Variants in NRG3 observed in about 807,000 individuals in gnomAD.
The protein encoded by NRG3 is pro-neuregulin-3, membrane-bound isoform.
In NRG3, 31 loss-of-function variants were observed where a neutral mutation model predicts 66.9. That is an observed-to-expected ratio of 0.46 (90% CI 0.35 to 0.63). The LOEUF is 0.63. Ranked by LOEUF, NRG3 falls within the 20% of genes least tolerant of loss-of-function variation. NRG3 has a pLI of 0.00. For missense variants in NRG3, 910 were observed against 878.9 expected (o/e 1.04, Z -0.45); for synonymous variants, 393 against 359.4 (o/e 1.09, Z -1.06).
chr10:82,050,895 A>G (rs1423540855), intron 1 of NRG3, among the ~76,000 whole-genome samples: 1 of 150,108 alleles, frequency 6.7e-6, no homozygotes, highest in Non-Finnish European at 1.5e-5. Flanking sequence ...CCACGTCCTC[A>G]TGCGTATCCA....
intron 1 of NRG3, among the ~76,000 whole-genome samples, chr10:82,182,528 T>C (rs2073498646): frequency 6.6e-6 from 1 of 151,832 alleles, no homozygotes; most frequent in South Asian, 2.1e-4. Flanking sequence ...TTAACCTCTG[T>C]CCTCCTCTAC....
chr10:82,191,664 A>G (rs747680386), intron 1 of NRG3, among the ~76,000 whole-genome samples: 3 of 152,220 alleles, frequency 2.0e-5, no homozygotes, highest in African/African-American at 4.8e-5. Flanking sequence ...ACTCTACAAG[A>G]GGGAACTTCA....
intron 7 of NRG3, among the ~76,000 whole-genome samples, chr10:82,977,598 CAAAAAAAAAA>C (rs766341428): frequency 3.4e-4 from 19 of 55,452 alleles, no homozygotes; most frequent in Admixed American, 1.4e-3. Context: ...GACTCTGTCT[CAAAAAAAAAA>C]AAAAAAAAAG....
At chr10:82,440,454 T>G (rs2090379110) in intron 2 of NRG3, among the ~76,000 whole-genome samples, 1 of 151,930 alleles carries the variant, frequency 6.6e-6, no homozygotes, top group Non-Finnish European at 1.5e-5. Context: ...AGTTTTTTAC[T>G]TCTTTAATTC....
intron 2 of NRG3, among the ~76,000 whole-genome samples, chr10:82,734,216 G>A (rs2058051315): frequency 1.3e-5 from 2 of 152,104 alleles, no homozygotes; most frequent in Admixed American, 1.3e-4. Context: ...CAGCCACTGG[G>A]CTTTTCCTTG....
At chr10:82,059,873 C>T (rs1191272669) in intron 1 of NRG3, among the ~76,000 whole-genome samples, 2 of 152,110 alleles carry the variant, frequency 1.3e-5, no homozygotes, top group East Asian at 1.9e-4. Flanking sequence ...CTGATATGTT[C>T]CCTTGATGAT....
chr10:82,392,891 T>A (rs1227388348), intron 2 of NRG3, among the ~76,000 whole-genome samples: 2 of 115,228 alleles, frequency 1.7e-5, no homozygotes, highest in Admixed American at 8.2e-5. Flanking sequence ...TATATATATA[T>A]ATATATATTT....
intron 4 of NRG3, among the ~76,000 whole-genome samples, chr10:82,876,258 T>C (rs1246976183): frequency 6.6e-6 from 1 of 151,704 alleles, no homozygotes; most frequent in African/African-American, 2.4e-5. Context: ...TCTACGTAGG[T>C]GTGAATATAT....
chr10:82,682,131 A>T (rs1290539871), intron 2 of NRG3, among the ~76,000 whole-genome samples: 1 of 152,218 alleles, frequency 6.6e-6, no homozygotes, highest in African/African-American at 2.4e-5. Flanking sequence ...AGGTGACTAG[A>T]GTAGGAGGAG....
chr10:82,912,978 C>G (rs939117892), intron 4 of NRG3, among the ~76,000 whole-genome samples: 4 of 152,168 alleles, frequency 2.6e-5, no homozygotes, highest in Non-Finnish European at 5.9e-5. Flanking sequence ...GTAATCCCAG[C>G]ACTTTGGGAG....
intron 2 of NRG3, among the ~76,000 whole-genome samples, chr10:82,672,344 G>A (rs1486018241): frequency 6.6e-6 from 1 of 152,038 alleles, no homozygotes. Flanking sequence ...GGAGGAAGGG[G>A]GCATCTTTTT....
At chr10:82,631,371 G>T (rs2049818775) in intron 2 of NRG3, among the ~76,000 whole-genome samples, 1 of 152,130 alleles carries the variant, frequency 6.6e-6, no homozygotes, top group African/African-American at 2.4e-5. Context: ...ATTCTGGGCT[G>T]CTGCATTTGC....
chr10:82,523,395 A>G (rs374514954), intron 2 of NRG3, among the ~76,000 whole-genome samples: 8 of 151,466 alleles, frequency 5.3e-5, no homozygotes, highest in African/African-American at 7.3e-5. Context: ...GAGGGTTCCA[A>G]TTTCTCTACA....
chr10:82,574,226 A>C (rs2133146722), intron 2 of NRG3, among the ~76,000 whole-genome samples: 1 of 151,870 alleles, frequency 6.6e-6, no homozygotes, highest in Admixed American at 6.6e-5. Context: ...GAACCATATC[A>C]TTTGCAGCAA....
At chr10:82,727,954 A>ACTG (rs1217748999) in intron 2 of NRG3, among the ~76,000 whole-genome samples, 5 of 152,100 alleles carry the variant, frequency 3.3e-5, no homozygotes, top group African/African-American at 1.2e-4. Context: ...TTAAGATTTG[A>ACTG]CTGCCCTGCT....
At chr10:81,918,945 AATC>A (rs1350853884) in intron 1 of NRG3, among the ~76,000 whole-genome samples, 2 of 147,706 alleles carry the variant, frequency 1.4e-5, no homozygotes, top group East Asian at 4.2e-4. Context: ...ATTTATTTCA[AATC>A]ATTAACTACT....
chr10:82,298,722 G>C (rs1023305048), intron 1 of NRG3, among the ~76,000 whole-genome samples: 29 of 152,178 alleles, frequency 1.9e-4, no homozygotes, highest in Admixed American at 1.5e-3. Flanking sequence ...ACATATCAAA[G>C]CCAATGAGGA....
intron 2 of NRG3, among the ~76,000 whole-genome samples, chr10:82,539,624 T>TTTTTTGTTTTTG (rs550817717): frequency 1.5e-4 from 23 of 152,016 alleles, no homozygotes; most frequent in Non-Finnish European, 2.9e-4. Context: ...ACTGCCGTTT[T>TTTTTTGTTTTTG]TTTTTGTTTT....
chr10:82,002,552 T>A lies in NRG3; in HGVS notation c.823+126389T>A, dbSNP rs117843272. ...TTGCATTTGGTACAGTATAAACTTC[T>A]AGTTTGTTCTGCTGTCATGGAACAT... is the stretch of plus-strand genomic sequence containing the variant. On this transcript the variant is annotated intron_variant, in intron 1 of 8. Coordinates refer to ENST00000372141, the MANE Select transcript of NRG3 (RefSeq NM_001010848.4). Among the ~76,000 whole-genome samples the A allele has an allele frequency of 4.9e-3, 739 of 152,348 alleles. 5 individuals are homozygous for A. The highest frequency in any genetic ancestry group is 6.9e-3 in the Non-Finnish European group (472 of 68,030).
Sources: allele counts gnomAD v4.1 joint callset (sites outside exome capture counted in the v4.1 genomes callset), GRCh38; gene constraint gnomAD v4.1.1; transcripts MANE v1.5; gene names NCBI Gene and HGNC (gene_info 2026-07-23, HGNC 2026-07-21).